Variants in PLEKHM3 observed in about 807,000 individuals in gnomAD.
The protein encoded by PLEKHM3 is pleckstrin homology domain-containing family M member 3.
Under a neutral mutation model 81.8 loss-of-function variants are expected in PLEKHM3, and 45 were observed. The ratio of observed to expected loss-of-function variants is 0.55; its 90% confidence interval spans 0.43 to 0.71. PLEKHM3 has a LOEUF of 0.71. Among genes scored for constraint, PLEKHM3 ranks in the 30% least tolerant of loss-of-function variants. The probability of loss-of-function intolerance (pLI) is 0.00; values close to 1 mark genes in which losing one functional copy is unlikely to be tolerated. For synonymous variants in PLEKHM3, 352 were observed against 356.4 expected, an observed-to-expected ratio of 0.99 and a Z score of 0.14; for missense variants, 788 against 924.3, an observed-to-expected ratio of 0.85 and a Z score of 1.91.
chr2:207,956,701 ACACCT>A (rs1346716323), intron 3 of PLEKHM3, among the ~76,000 whole-genome samples: 3 of 138,396 alleles, frequency 2.2e-5, no homozygotes, highest in African/African-American at 8.1e-5. Flanking sequence ...GCATGCCACC[ACACCT>A]GGCTGATTAA....
At chr2:207,906,782 G>A (rs372405671) in intron 6 of PLEKHM3, among the ~76,000 whole-genome samples, 1 of 149,946 alleles carries the variant, frequency 6.7e-6, no homozygotes, top group African/African-American at 2.5e-5. Context: ...GAGCGAGACT[G>A]TCAAATAAAT....
At chr2:207,939,865 A>C (rs1205131362) in intron 4 of PLEKHM3, among the ~76,000 whole-genome samples, 2 of 152,178 alleles carry the variant, frequency 1.3e-5, no homozygotes, top group East Asian at 1.9e-4. Flanking sequence ...AGTGGAGAGC[A>C]TGGCCTCAGG....
At chr2:207,929,319 A>G (rs1193764559) in intron 5 of PLEKHM3, among the ~76,000 whole-genome samples, 1 of 152,252 alleles carries the variant, frequency 6.6e-6, no homozygotes, top group Non-Finnish European at 1.5e-5. Context: ...TTAGTCATCC[A>G]TATGAGGAGA....
rs551439594 is a variant in PLEKHM3 at position 207,915,227 on chromosome 2, TA to T, written c.1887-6651del. 1.2e-4 allele frequency among the ~76,000 whole-genome samples: 18 copies of T among 152,294 alleles called. 1 individual carries two copies. In the East Asian group the frequency reaches 3.3e-3, roughly 28 times the overall value. ...GAGAAAGGTGAGAAAAGATGAAAATTAAAAAGGAAAAAGGTCATATATGATT... is the reference window on the plus strand; with the variant it reads ...GAGAAAGGTGAGAAAAGATGAAAATTAAAAGGAAAAAGGTCATATATGATT... On this transcript the variant is annotated intron_variant, in intron 5 of 7. Transcript: ENST00000427836.
In PLEKHM3 at chr2:208,001,487, G is replaced by C. The variant is rs370031798; in HGVS notation, c.153C>G (p.Leu51=). The C allele has an allele frequency of 1.9e-6, 3 of 1,614,064 alleles. No individual in the cohort carries two copies. In the African/African-American group the frequency reaches 4.0e-5, roughly 22 times the overall value. The change falls in exon 2 of 8, where the codon CTC becomes CTG. Residue 51 remains leucine, a synonymous_variant. Coordinates refer to ENST00000427836, the MANE Select transcript of PLEKHM3 (RefSeq NM_001080475.3). ...TAGCACCATTGTCTGTTATGTTACT[G>C]AGTACCTCATGCCCCACCAGTTCAG... The part of the protein sequence containing the change: ...EVPELVGHEV[L]SNITDNGAMR...
chr2:207,825,035 A>C lies in PLEKHM3; in HGVS notation c.*3284T>G, dbSNP rs944742024. 2.6e-5 allele frequency: 4 copies of C among 152,186 alleles called. No individual in the cohort carries two copies. The highest frequency in any genetic ancestry group is 7.2e-5 in the African/African-American group (3 of 41,452). The allele number at this position is 152,186 out of a possible 1,614,324, so 9.4% of individuals were successfully genotyped here. ...AAAATGACTCTAATGCACTCCCTAGAAAAGGCAGTGAAGCAAAGGGGGCTG... is the reference window on the plus strand; with the variant it reads ...AAAATGACTCTAATGCACTCCCTAGCAAAGGCAGTGAAGCAAAGGGGGCTG... On this transcript the variant is annotated 3_prime_UTR_variant, in exon 8 of 8. Coordinates refer to ENST00000427836, the MANE Select transcript of PLEKHM3 (RefSeq NM_001080475.3).
chr2:207,991,710 T>TA (rs1366146860), intron 2 of PLEKHM3, among the ~76,000 whole-genome samples: 4 of 152,124 alleles, frequency 2.6e-5, no homozygotes, highest in Non-Finnish European at 5.9e-5. Flanking sequence ...AAATGTTTTT[T>TA]AAAATGATCC....
chr2:207,892,656 C>G (rs1688096451), intron 6 of PLEKHM3, among the ~76,000 whole-genome samples: 1 of 152,170 alleles, frequency 6.6e-6, no homozygotes, highest in African/African-American at 2.4e-5. Flanking sequence ...ACTTCTCTCG[C>G]CACCCCTTTC....
chr2:207,954,174 G>A (rs1690429247), intron 3 of PLEKHM3, among the ~76,000 whole-genome samples: 2 of 152,050 alleles, frequency 1.3e-5, no homozygotes, highest in East Asian at 1.9e-4. Context: ...GCAATAGAGT[G>A]AGGCCCCATT....
At chr2:207,994,027 T>C (rs901572907) in intron 2 of PLEKHM3, among the ~76,000 whole-genome samples, 3 of 152,136 alleles carry the variant, frequency 2.0e-5, no homozygotes, top group African/African-American at 7.2e-5. Context: ...CCTAGAATGA[T>C]ATAATTTTGG....
In PLEKHM3 at chr2:208,001,781, G is replaced by T. The variant is rs1692315635; in HGVS notation, c.-142C>A. 1 of 1,373,316 alleles carries T rather than the reference G, an allele frequency of 7.3e-7. No homozygotes were observed. Among genetic ancestry groups the T allele is most frequent in the Non-Finnish European group, 9.8e-7 (1 of 1,024,706 alleles). The allele number at this position is 1,373,316 out of a possible 1,614,324, so 85.1% of individuals were successfully genotyped here. ...ACCTTCATTGGGCTCCCTGGAGCAG[G>T]CCAAACCCAAAGTGGTTGATGTTTT... On this transcript the variant is annotated 5_prime_UTR_variant, in exon 2 of 8. Coordinates refer to ENST00000427836, the MANE Select transcript of PLEKHM3 (RefSeq NM_001080475.3).
At chr2:207,861,397 A>G (rs1040454849) in intron 6 of PLEKHM3, 135 bp from the exon 7 acceptor site, 32 of 1,024,364 alleles carry the variant, frequency 3.1e-5, no homozygotes, top group Non-Finnish European at 4.3e-5. Context: ...AACTCTGAGG[A>G]AGAAAAGACA....
At chr2:207,954,325 C>G (rs1690434248) in intron 3 of PLEKHM3, among the ~76,000 whole-genome samples, 1 of 152,118 alleles carries the variant, frequency 6.6e-6, no homozygotes, top group Non-Finnish European at 1.5e-5. Flanking sequence ...CACTGCACAC[C>G]AACCTAAGTG....
At chr2:207,921,122 C>G (rs1479797249) in intron 5 of PLEKHM3, among the ~76,000 whole-genome samples, 1 of 152,114 alleles carries the variant, frequency 6.6e-6, no homozygotes, top group African/African-American at 2.4e-5. Context: ...TATCTTGGCT[C>G]ACTGCAAGTT....
At chr2:207,953,561 G>A (rs1412037370) in intron 3 of PLEKHM3, among the ~76,000 whole-genome samples, 2 of 152,166 alleles carry the variant, frequency 1.3e-5, no homozygotes, top group Admixed American at 1.3e-4. Context: ...GGCTGAGGTG[G>A]ACAGATCTCT....
At chr2:207,871,992 G>C (rs11883438) in intron 6 of PLEKHM3, among the ~76,000 whole-genome samples, 40,890 of 152,054 alleles carry the variant, frequency 0.27, 5,543 homozygotes, top group Non-Finnish European at 0.3. Flanking sequence ...CAGTAAATGA[G>C]GAAAAGTTCT....
intron 3 of PLEKHM3, among the ~76,000 whole-genome samples, chr2:207,954,473 A>C (rs1167719066): frequency 1.3e-5 from 2 of 152,238 alleles, no homozygotes; most frequent in Non-Finnish European, 2.9e-5. Context: ...ACAAGAACAG[A>C]CAGATGCATG....
chr2:207,978,388 C>A (rs983681482), intron 2 of PLEKHM3, among the ~76,000 whole-genome samples: 22 of 151,416 alleles, frequency 1.5e-4, no homozygotes, highest in African/African-American at 5.3e-4. Context: ...TTGCACCAAC[C>A]TAACAGTACC....
At chr2:208,007,784 A>G (rs1260974675) in intron 1 of PLEKHM3, among the ~76,000 whole-genome samples, 1 of 152,018 alleles carries the variant, frequency 6.6e-6, no homozygotes, top group Non-Finnish European at 1.5e-5. Context: ...GGCCGGGCGC[A>G]GTGGCTCATG....
Sources: gnomAD v4.1 joint callset for allele counts (sites outside exome capture counted in the v4.1 genomes callset) on GRCh38, gnomAD v4.1.1 for gene constraint, MANE v1.5 for transcripts, NCBI Gene and HGNC (gene_info 2026-07-23, HGNC 2026-07-21) for gene names.